Variants in SERPINA4 observed in about 807,000 individuals in gnomAD.
SERPINA4 encodes the protein kallistatin.
SERPINA4 carries 24 observed loss-of-function variants against 25.4 expected under a neutral mutation model. That is an observed-to-expected ratio of 0.95 (90% CI 0.69 to 1.33). The LOEUF (loss-of-function observed/expected upper bound fraction) is 1.33. Among genes scored for constraint, SERPINA4 ranks in the 40% most tolerant of loss-of-function variants. SERPINA4 has a pLI of 0.00. For synonymous variants in SERPINA4, 242 were observed against 223.6 expected (o/e 1.08, Z -0.73); for missense variants, 553 against 535.8 (o/e 1.03, Z -0.32).
At chr14:94,566,164 C>G (rs1902200043) in intron 2 of SERPINA4, among the ~76,000 whole-genome samples, 1 of 152,190 alleles carries the variant, frequency 6.6e-6, no homozygotes, top group African/African-American at 2.4e-5. Flanking sequence ...TTTTCCCTCC[C>G]TCTATCATAC....
At chr14:94,565,376 G>C (rs1902171516) in intron 2 of SERPINA4, among the ~76,000 whole-genome samples, 1 of 152,158 alleles carries the variant, frequency 6.6e-6, no homozygotes, top group African/African-American at 2.4e-5. Context: ...CTGACTACCA[G>C]GGCCTTCAGA....
chr14:94,568,014 G>A (rs1265587242), intron 3 of SERPINA4, 115 bp from the exon 4 acceptor site: 2 of 1,033,844 alleles, frequency 1.9e-6, no homozygotes, highest in Non-Finnish European at 2.9e-6. Flanking sequence ...CTGTTTGTGG[G>A]GACAGAACTC....
At chr14:94,567,472 C>A (rs187476580) in intron 3 of SERPINA4, among the ~76,000 whole-genome samples, 4 of 152,274 alleles carry the variant, frequency 2.6e-5, no homozygotes, top group Admixed American at 2.6e-4. Flanking sequence ...GTTCAGAGTC[C>A]TGGGTTCTAG....
At position 94,568,233 on chromosome 14, in the gene SERPINA4, C is replaced by T. The variant is rs781379570; in HGVS notation, c.1028C>T (p.Ser343Phe). 6 of 1,614,216 alleles carry T rather than the reference C, an allele frequency of 3.7e-6. No individual in the cohort carries two copies. The South Asian group carries it at 5.5e-5, about 15-fold the overall frequency. Residue 343 changes from serine to phenylalanine, a missense_variant, in exon 4 of 5, where the codon TCC (serine) becomes TTC (phenylalanine). Transcript: ENST00000557004. ...LPRLGFTDLFSKWADLSGITK... is the reference protein window; with the variant it reads ...LPRLGFTDLFFKWADLSGITK... ...AGGCTGGGCTTCACGGATCTGTTCT[C>T]CAAGTGGGCTGACTTATCCGGCATC... is the stretch of plus-strand genomic sequence containing the variant.
chr14:94,568,069 G>A (rs1013566826), intron 3 of SERPINA4, 60 bp from the exon 4 acceptor site: 10 of 1,580,180 alleles, frequency 6.3e-6, no homozygotes, highest in Non-Finnish European at 8.7e-6. Context: ...GGAGGGCTCT[G>A]CCCAGCAGGG....
intron 1 of SERPINA4, 53 bp downstream of exon 1, chr14:94,561,547 C>T (rs1902025414): frequency 2.6e-6 from 2 of 759,930 alleles, no homozygotes; most frequent in African/African-American, 1.8e-5. Flanking sequence ...GGAGGGTGAC[C>T]AACTGTTCCA....
chr14:94,569,791 T>C lies in SERPINA4; in HGVS notation c.*196T>C. ...GCCTGGACATTCCACACCCTGGTGC[T>C]GTGCAGCCTCTGGCAGAGCATCCGA... On this transcript the variant is annotated 3_prime_UTR_variant, in exon 5 of 5. Coordinates refer to ENST00000557004, the MANE Select transcript of SERPINA4 (RefSeq NM_006215.4). 1.6e-6 allele frequency: 1 copy of C among 613,000 alleles called. No homozygotes were observed. The highest frequency in any genetic ancestry group is 2.8e-5 in the East Asian group (1 of 35,922). 38.0% of individuals were successfully genotyped at this position (613,000 alleles called of 1,614,324 possible).
intron 2 of SERPINA4, among the ~76,000 whole-genome samples, chr14:94,565,165 A>C (rs2139903192): frequency 6.6e-6 from 1 of 152,244 alleles, no homozygotes; most frequent in East Asian, 1.9e-4. Context: ...TAAGCGGACA[A>C]GTCAGAGCTT....
rs13306797 is a variant in SERPINA4 at position 94,569,731 on chromosome 14, G to A, written c.*136G>A. 3.8e-3 allele frequency: 3,370 copies of A among 897,166 alleles called. 107 individuals are homozygous for A. The East Asian group carries it at 0.071, about 19-fold the overall frequency. 55.6% of individuals were successfully genotyped at this position (897,166 alleles called of 1,614,324 possible). ...GAGTCCAGGACAGCAGGTGCTGGCC[G>A]GTGGGGAGCGGGGAGGGGCACTGAG... On this transcript the variant is annotated 3_prime_UTR_variant, in exon 5 of 5. Transcript: ENST00000557004.
In SERPINA4 at chr14:94,568,205, C is replaced by G. The variant is rs1182258902; in HGVS notation, c.1000C>G (p.Pro334Ala). ...CTCCTATGTATTAGATCAGATTTTG[C>G]CCAGGCTGGGCTTCACGGATCTGTT... is the stretch of plus-strand genomic sequence containing the variant. ...SGSYVLDQIL[P>A]RLGFTDLFSK... Residue 334 changes from proline (P) to alanine (A), a missense_variant, in exon 4 of 5, where the codon CCC (proline) becomes GCC (alanine). Coordinates refer to ENST00000557004, the MANE Select transcript of SERPINA4 (RefSeq NM_006215.4). 1.2e-6 allele frequency: 2 copies of G among 1,614,086 alleles called. No homozygotes were observed. The highest frequency in any genetic ancestry group is 1.7e-6 in the Non-Finnish European group (2 of 1,180,042).
At chr14:94,564,890 A>G (rs1311603211) in intron 2 of SERPINA4, among the ~76,000 whole-genome samples, 1 of 152,268 alleles carries the variant, frequency 6.6e-6, no homozygotes, top group Non-Finnish European at 1.5e-5. Context: ...CTCTAGTCCT[A>G]CCACTCAGAG....
intron 1 of SERPINA4, 84 bp from the exon 2 acceptor site, chr14:94,563,382 G>A (rs368202496): frequency 2.4e-5 from 34 of 1,413,256 alleles, no homozygotes; most frequent in Middle Eastern, 2.6e-4. Flanking sequence ...CACGATCTCC[G>A]GGTGCTGGCC....
chr14:94,565,462 C>T (rs981279026), intron 2 of SERPINA4, among the ~76,000 whole-genome samples: 1 of 152,160 alleles, frequency 6.6e-6, no homozygotes, highest in Non-Finnish European at 1.5e-5. Flanking sequence ...TTCTAGGGAG[C>T]AACTCCCAGC....
chr14:94,567,300 C>G, intron 3 of SERPINA4, 57 bp downstream of exon 3: 3 of 1,531,748 alleles, frequency 2.0e-6, no homozygotes, highest in Non-Finnish European at 8.8e-7. Flanking sequence ...ATGTAACTTT[C>G]TAATGAAAGA....
chr14:94,569,279 T>A (rs1429639736), intron 4 of SERPINA4, 116 bp from the exon 5 acceptor site: 2 of 896,920 alleles, frequency 2.2e-6, no homozygotes, highest in East Asian at 2.7e-5. Context: ...CCCCAAGAAA[T>A]GGCCTTGCAG....
chr14:94,563,420 G>T, intron 1 of SERPINA4, 46 bp from the exon 2 acceptor site: 4 of 1,549,636 alleles, frequency 2.6e-6, no homozygotes, highest in Non-Finnish European at 2.6e-6. Context: ...GTAGGGCCAG[G>T]TGTTCTTCTG....
At chr14:94,567,603 G>C (rs1025811671) in intron 3 of SERPINA4, among the ~76,000 whole-genome samples, 1 of 151,982 alleles carries the variant, frequency 6.6e-6, no homozygotes, top group African/African-American at 2.4e-5. Context: ...GCCATAGTGG[G>C]ACTTAAAAAA....
intron 3 of SERPINA4, among the ~76,000 whole-genome samples, chr14:94,567,919 C>T (rs977015413): frequency 4.6e-5 from 7 of 152,194 alleles, no homozygotes; most frequent in South Asian, 2.1e-4. Flanking sequence ...TTCCCAAGGA[C>T]GGGAGATCCC....
chr14:94,569,115 G>A (rs1902314107), intron 4 of SERPINA4, among the ~76,000 whole-genome samples: 1 of 152,136 alleles, frequency 6.6e-6, no homozygotes, highest in Non-Finnish European at 1.5e-5. Flanking sequence ...ACATCATACT[G>A]CTGACCTCTT....
Sources: gnomAD v4.1 joint callset for allele counts (sites outside exome capture counted in the v4.1 genomes callset) on GRCh38, gnomAD v4.1.1 for gene constraint, MANE v1.5 for transcripts, NCBI Gene and HGNC (gene_info 2026-07-23, HGNC 2026-07-21) for gene names.